Variants in LAMA2 observed in about 807,000 individuals in gnomAD.
The protein encoded by LAMA2 is laminin subunit alpha 2.
In LAMA2, 269 loss-of-function variants were observed where a neutral mutation model predicts 364.8. The ratio of observed to expected loss-of-function variants is 0.74; its 90% CI spans 0.67 to 0.82. The LOEUF is 0.82. LAMA2 is among the 40% of genes least tolerant of loss of function. The probability of loss-of-function intolerance (pLI) is 0.00; values close to 1 mark genes in which losing one functional copy is unlikely to be tolerated. For synonymous variants in LAMA2, 1,379 were observed against 1,370.6 expected (o/e 1.01, Z -0.14); for missense variants, 3,807 against 3,873.2 (o/e 0.98, Z 0.45).
At chr6:128,967,184 A>T (rs1781897352) in intron 1 of LAMA2, among the ~76,000 whole-genome samples, 1 of 152,192 alleles carries the variant, frequency 6.6e-6, no homozygotes, top group Non-Finnish European at 1.5e-5. Context: ...AATGATTATT[A>T]CCTGTGCCCA....
At chr6:129,029,372 A>G (rs1786064672) in intron 1 of LAMA2, among the ~76,000 whole-genome samples, 2 of 152,020 alleles carry the variant, frequency 1.3e-5, no homozygotes, top group Non-Finnish European at 2.9e-5. Context: ...CAGAAGTGGA[A>G]GGAATTTTAG....
Position 129,456,392 on chromosome 6 carries a change from T to C in LAMA2, c.6765T>C (p.Ile2255=). ...VRALDGPKAS[I]VPSTHHSTSP... is the part of the protein sequence containing the mutation. ...CCCTGGATGGACCCAAAGCCAGCAT[T>C]GTGCCCAGCACACACCATTCGACGT... Residue 2255 remains isoleucine (I), a synonymous_variant, in exon 48 of 65, where the codon ATT becomes ATC. Transcript: ENST00000421865. 1 of 1,613,628 alleles carries C rather than the reference T, an allele frequency of 6.2e-7. No individual in the cohort carries two copies. Among genetic ancestry groups the C allele is most frequent in the East Asian group, 2.2e-5 (1 of 44,846 alleles).
At chr6:128,919,810 C>T (rs1484299964) in intron 1 of LAMA2, among the ~76,000 whole-genome samples, 1 of 152,186 alleles carries the variant, frequency 6.6e-6, no homozygotes, top group African/African-American at 2.4e-5. Context: ...AGTCATGTAG[C>T]CGTACATCCC....
At chr6:129,504,629 C>T (rs1196937074) in intron 60 of LAMA2, among the ~76,000 whole-genome samples, 3 of 152,158 alleles carry the variant, frequency 2.0e-5, no homozygotes, top group South Asian at 2.1e-4. Context: ...TTCACTCCAC[C>T]GCCCTAAATT....
rs1781456124 is a variant in LAMA2 at position 129,190,302 on chromosome 6, G to A, written c.1565G>A (p.Gly522Glu). Residue 522 changes from glycine (G) to glutamate (E), a missense_variant, in exon 11 of 65, where the codon GGG (glycine) becomes GAG (glutamate). Around this residue, in one of 3 missense-constraint regions of LAMA2, gnomAD observed 3,333 missense variants for 3,345.7 expected, o/e 1.00. Coordinates refer to ENST00000421865, the MANE Select transcript of LAMA2 (RefSeq NM_000426.4). The part of the protein sequence containing the change: ...WKGCDECFCS[G>E]VSNRCQSSYW... ...GGCTGCGATGAGTGTTTCTGTTCAG[G>A]GGTTTCAAACAGATGTCAGAGTTCC... 1 of 1,613,574 alleles carries A rather than the reference G, an allele frequency of 6.2e-7. No individual in the cohort carries two copies. Among genetic ancestry groups the A allele is most frequent in the East Asian group, 2.2e-5 (1 of 44,846 alleles).
chr6:129,041,930 T>A (rs1395981892), intron 1 of LAMA2, among the ~76,000 whole-genome samples: 1 of 150,240 alleles, frequency 6.7e-6, no homozygotes, highest in Non-Finnish European at 1.5e-5. Context: ...GCCCAGGAGT[T>A]CAAGGTTACA....
At chr6:129,141,038 C>T (rs566451867) in intron 4 of LAMA2, among the ~76,000 whole-genome samples, 1 of 152,204 alleles carries the variant, frequency 6.6e-6, no homozygotes, top group Non-Finnish European at 1.5e-5. Flanking sequence ...TGATTCACCA[C>T]AGCATTCACA....
At chr6:128,935,183 A>G (rs1008354732) in intron 1 of LAMA2, among the ~76,000 whole-genome samples, 1 of 152,024 alleles carries the variant, frequency 6.6e-6, no homozygotes, top group Non-Finnish European at 1.5e-5. Context: ...CATTTACATT[A>G]GGTATTTATC....
At chr6:129,126,188 G>C (rs1361072445) in intron 4 of LAMA2, among the ~76,000 whole-genome samples, 8 of 152,206 alleles carry the variant, frequency 5.3e-5, no homozygotes, top group African/African-American at 1.9e-4. Flanking sequence ...GACAAATTTT[G>C]TTTCTTTTTT....
At chr6:129,282,211 A>G (rs1052404153) in intron 18 of LAMA2, among the ~76,000 whole-genome samples, 1 of 152,216 alleles carries the variant, frequency 6.6e-6, no homozygotes, top group African/African-American at 2.4e-5. Flanking sequence ...AAGTTCTGGC[A>G]TGTCCTACAG....
chr6:129,210,263 A>G (rs1047115160), intron 12 of LAMA2, among the ~76,000 whole-genome samples: 1 of 152,152 alleles, frequency 6.6e-6, no homozygotes, highest in Non-Finnish European at 1.5e-5. Context: ...TTTAGTCTGA[A>G]TTCAGGGATT....
intron 4 of LAMA2, among the ~76,000 whole-genome samples, chr6:129,115,481 C>T (rs1776424056): frequency 6.6e-6 from 1 of 152,002 alleles, no homozygotes; most frequent in Non-Finnish European, 1.5e-5. Flanking sequence ...TGTATTTTCC[C>T]AGCTGCTGTT....
At chr6:129,383,717 G>T (rs567739852) in intron 35 of LAMA2, among the ~76,000 whole-genome samples, 32 of 152,212 alleles carry the variant, frequency 2.1e-4, no homozygotes, top group Non-Finnish European at 4.0e-4. Flanking sequence ...GGTGCATTTA[G>T]CTCACAATTC....
chr6:129,363,648 G>T (rs1777595113), intron 32 of LAMA2, among the ~76,000 whole-genome samples: 1 of 152,222 alleles, frequency 6.6e-6, no homozygotes, highest in East Asian at 1.9e-4. Context: ...CTGGGAGCTT[G>T]TTAGAAAAGC....
chr6:128,913,660 C>T (rs1305497852), intron 1 of LAMA2, among the ~76,000 whole-genome samples: 1 of 152,136 alleles, frequency 6.6e-6, no homozygotes, highest in East Asian at 1.9e-4. Context: ...ATCTTCACAA[C>T]TGCACTAGTC....
intron 22 of LAMA2, among the ~76,000 whole-genome samples, chr6:129,307,840 T>A (rs965384493): frequency 5.3e-5 from 8 of 152,208 alleles, no homozygotes; most frequent in African/African-American, 1.9e-4. Flanking sequence ...GGGCATTTTT[T>A]TATGTTAGTG....
intron 3 of LAMA2, among the ~76,000 whole-genome samples, chr6:129,082,099 G>T (rs926554152): frequency 2.0e-5 from 3 of 152,072 alleles, no homozygotes; most frequent in Non-Finnish European, 4.4e-5. Flanking sequence ...AAAGCCAGTA[G>T]AAATTATATA....
At chr6:129,516,099 A>AATC in intron 64 of LAMA2, 91 bp from the exon 65 acceptor site, 1 of 1,375,766 alleles carries the variant, frequency 7.3e-7, no homozygotes, top group Non-Finnish European at 1.0e-6. Context: ...ATTCCAATTT[A>AATC]ATCTCAAGCT....
intron 1 of LAMA2, among the ~76,000 whole-genome samples, chr6:128,938,603 T>C (rs1460653161): frequency 6.6e-6 from 1 of 152,150 alleles, no homozygotes; most frequent in East Asian, 1.9e-4. Flanking sequence ...CTAGGTCCCA[T>C]GAGGGAAGGG....
Sources: allele counts gnomAD v4.1 joint callset (sites outside exome capture counted in the v4.1 genomes callset), GRCh38; gene constraint gnomAD v4.1.1; regional missense constraint gnomAD v4.1.1; transcripts MANE v1.5; gene names NCBI Gene and HGNC (gene_info 2026-07-23, HGNC 2026-07-21).